Variants in WWOX observed in about 807,000 individuals in gnomAD.
WWOX encodes the protein WW domain-containing oxidoreductase.
WWOX carries 69 observed loss-of-function variants against 46.2 expected under a neutral mutation model. The observed-to-expected ratio is 1.49, with a 90% CI of 1.23 to 1.82. WWOX has a LOEUF of 1.82. WWOX is among the 40% of genes most tolerant of loss of function. WWOX has a pLI of 0.00. For missense variants in WWOX, 919 were observed against 542.6 expected, an observed-to-expected ratio of 1.69 and a Z score of -6.89; for synonymous variants, 359 against 202.6, an observed-to-expected ratio of 1.77 and a Z score of -6.56.
At chr16:78,380,474 C>G (rs1327255556) in intron 5 of WWOX, among the ~76,000 whole-genome samples, 2 of 152,068 alleles carry the variant, frequency 1.3e-5, no homozygotes, top group South Asian at 2.1e-4. Context: ...TTTGAGATGG[C>G]TTTTATCATT....
chr16:78,144,984 A>G, intron 4 of WWOX, among the ~76,000 whole-genome samples: 1 of 152,124 alleles, frequency 6.6e-6, no homozygotes, highest in East Asian at 1.9e-4. Flanking sequence ...ACAGATGAGG[A>G]AATTGAGGTT....
At chr16:78,315,477 C>A (rs1268656828) in intron 5 of WWOX, among the ~76,000 whole-genome samples, 1 of 151,948 alleles carries the variant, frequency 6.6e-6, no homozygotes, top group African/African-American at 2.4e-5. Context: ...GGTGAGACCC[C>A]CATCTCTGCT....
intron 8 of WWOX, among the ~76,000 whole-genome samples, chr16:79,105,623 C>T (rs138717803): frequency 2.2e-4 from 34 of 151,152 alleles, no homozygotes; most frequent in African/African-American, 8.0e-4. Context: ...ATATAATCTG[C>T]TTTCTTTTGT....
intron 8 of WWOX, among the ~76,000 whole-genome samples, chr16:78,906,358 C>T (rs560296407): frequency 1.3e-5 from 2 of 152,278 alleles, no homozygotes; most frequent in East Asian, 1.9e-4. Flanking sequence ...GCTGGAAGTG[C>T]TCTTTGATAT....
intron 8 of WWOX, among the ~76,000 whole-genome samples, chr16:79,184,923 G>C (rs1380346326): frequency 2.0e-5 from 3 of 152,210 alleles, no homozygotes; most frequent in African/African-American, 7.2e-5. Flanking sequence ...ATCATTGGCT[G>C]TAGGGATTCT....
Position 78,755,217 on chromosome 16 carries a change from A to C in WWOX, c.1056+322465A>C, listed in dbSNP as rs1319966741. On this transcript the variant is annotated intron_variant, in intron 8 of 8. Coordinates refer to ENST00000566780, the MANE Select transcript of WWOX (RefSeq NM_016373.4). ...GTATCCCAGAACTTAAAGTGAAAGGAAAAAAAAAAGTTTCATCAAAAAAAA... is the reference window on the plus strand; with the variant it reads ...GTATCCCAGAACTTAAAGTGAAAGGCAAAAAAAAAGTTTCATCAAAAAAAA... Among the ~76,000 whole-genome samples, 162 of 138,566 alleles carry C rather than the reference A, an allele frequency of 1.2e-3. 2 individuals are homozygous for C. The highest frequency in any genetic ancestry group is 4.0e-3 in the African/African-American group (155 of 38,414). 90.9% of individuals were successfully genotyped at this position (138,566 alleles called of 152,430 possible).
intron 8 of WWOX, among the ~76,000 whole-genome samples, chr16:79,134,531 C>G (rs902742259): frequency 2.6e-5 from 4 of 152,156 alleles, no homozygotes; most frequent in African/African-American, 7.2e-5. Flanking sequence ...GGGGCCCACT[C>G]CTACCTGGGG....
At chr16:79,201,343 C>CTTTTTTT (rs5818210) in intron 8 of WWOX, among the ~76,000 whole-genome samples, 1 of 143,616 alleles carries the variant, frequency 7.0e-6, no homozygotes, top group African/African-American at 2.6e-5. Context: ...TTTTTCTTTT[C>CTTTTTTT]TTTTTTTTTT....
At chr16:78,988,192 A>G (rs1177375239) in intron 8 of WWOX, among the ~76,000 whole-genome samples, 1 of 151,696 alleles carries the variant, frequency 6.6e-6, no homozygotes, top group Non-Finnish European at 1.5e-5. Flanking sequence ...AAAATACAAA[A>G]ACTTAGCTGG....
intron 8 of WWOX, among the ~76,000 whole-genome samples, chr16:78,602,992 C>A (rs908392289): frequency 6.6e-6 from 1 of 152,232 alleles, no homozygotes; most frequent in African/African-American, 2.4e-5. Flanking sequence ...TTAGATTCAA[C>A]AAAATGTAAT....
At chr16:78,460,505 C>T (rs920285114) in intron 8 of WWOX, among the ~76,000 whole-genome samples, 2 of 152,168 alleles carry the variant, frequency 1.3e-5, no homozygotes, top group African/African-American at 4.8e-5. Context: ...GCTTCCAGTG[C>T]ACAGATTTCT....
chr16:78,253,437 C>G (rs1335437328), intron 5 of WWOX, among the ~76,000 whole-genome samples: 2 of 152,172 alleles, frequency 1.3e-5, no homozygotes, highest in East Asian at 3.9e-4. Context: ...CGCTTTATAG[C>G]TGAAACTGAG....
chr16:78,789,064 A>C (rs2050528188), intron 8 of WWOX, among the ~76,000 whole-genome samples: 1 of 152,206 alleles, frequency 6.6e-6, no homozygotes, highest in Admixed American at 6.5e-5. Flanking sequence ...AAGTTTTAAC[A>C]ACAAAAGTTT....
intron 8 of WWOX, among the ~76,000 whole-genome samples, chr16:78,739,338 C>T (rs1378378526): frequency 1.3e-5 from 2 of 152,150 alleles, no homozygotes; most frequent in Admixed American, 6.5e-5. Flanking sequence ...CCAACACTCG[C>T]AGCAGAGGGC....
intron 5 of WWOX, among the ~76,000 whole-genome samples, chr16:78,252,302 A>T (rs1433053907): frequency 6.6e-6 from 1 of 152,238 alleles, no homozygotes; most frequent in African/African-American, 2.4e-5. Context: ...ATATGTGCAT[A>T]CACATACATT....
intron 8 of WWOX, among the ~76,000 whole-genome samples, chr16:79,055,356 C>T (rs891048413): frequency 2.0e-5 from 3 of 152,114 alleles, no homozygotes; most frequent in South Asian, 4.1e-4. Flanking sequence ...TTCATCTTCC[C>T]TTGTATCTAG....
chr16:78,487,347 C>T (rs939147391), intron 8 of WWOX, among the ~76,000 whole-genome samples: 4 of 152,126 alleles, frequency 2.6e-5, no homozygotes, highest in South Asian at 4.1e-4. Flanking sequence ...AGTTGAGCCC[C>T]TGGGCATTAT....
At chr16:78,336,814 C>G (rs7201132) in intron 5 of WWOX, among the ~76,000 whole-genome samples, 32,657 of 151,936 alleles carry the variant, frequency 0.21, 4,138 homozygotes, top group East Asian at 0.45. Context: ...GTTTTCGAGA[C>G]GAAGTTTCGC....
At chr16:78,567,389 C>CAA (rs749420776) in intron 8 of WWOX, among the ~76,000 whole-genome samples, 26 of 138,662 alleles carry the variant, frequency 1.9e-4, no homozygotes, top group African/African-American at 4.1e-4. Context: ...ACTAAAAATA[C>CAA]AAAAAAAAAA....
Sources: gnomAD v4.1 joint callset for allele counts (sites outside exome capture counted in the v4.1 genomes callset) on GRCh38, gnomAD v4.1.1 for gene constraint, MANE v1.5 for transcripts, NCBI Gene and HGNC (gene_info 2026-07-23, HGNC 2026-07-21) for gene names.